SOX6: variants seen among roughly 807,000 people sequenced by gnomAD.
SOX6 encodes the protein transcription factor SOX-6.
SOX6 carries 11 observed loss-of-function variants against 97.8 expected under a neutral mutation model. The ratio of observed to expected loss-of-function variants is 0.11; its 90% CI spans 0.07 to 0.19. The LOEUF is 0.19. Ranked by LOEUF, SOX6 falls within the 10% of genes least tolerant of loss-of-function variation. The pLI, the probability that SOX6 is intolerant of heterozygous loss-of-function variation, is 1.00. For synonymous variants in SOX6, 360 were observed against 371.4 expected (o/e 0.97, Z 0.35); for missense variants, 810 against 1,039.5 (o/e 0.78, Z 3.04).
At chr11:16,050,653 G>A (rs1162143371) in intron 10 of SOX6, among the ~76,000 whole-genome samples, 1 of 152,138 alleles carries the variant, frequency 6.6e-6, no homozygotes, top group African/African-American at 2.4e-5. Context: ...TTTACAGAAT[G>A]TCTATTTTAA....
intron 4 of SOX6, among the ~76,000 whole-genome samples, chr11:16,500,308 T>A (rs1307826220): frequency 6.6e-6 from 1 of 152,108 alleles, no homozygotes; most frequent in Non-Finnish European, 1.5e-5. Flanking sequence ...ATGGGACATA[T>A]CTCAAAATAA....
chr11:16,467,393 A>T (rs1358860111), intron 1 of SOX6, among the ~76,000 whole-genome samples: 1 of 152,180 alleles, frequency 6.6e-6, no homozygotes, highest in Admixed American at 6.5e-5. Context: ...AACCTAAATG[A>T]CTATCAACGA....
intron 3 of SOX6, among the ~76,000 whole-genome samples, chr11:16,626,409 G>C (rs1325024030): frequency 2.0e-5 from 3 of 152,112 alleles, no homozygotes; most frequent in African/African-American, 4.8e-5. Context: ...TGTTCCAGTT[G>C]CCTGTCTACA....
At chr11:16,035,707 C>T (rs1855501079) in intron 12 of SOX6, among the ~76,000 whole-genome samples, 1 of 152,090 alleles carries the variant, frequency 6.6e-6, no homozygotes, top group Non-Finnish European at 1.5e-5. Context: ...CCAGGCATGT[C>T]TAGGAAATGT....
chr11:16,023,042 G>A (rs911559434), intron 12 of SOX6: 3 of 151,890 alleles, frequency 2.0e-5, no homozygotes, highest in Admixed American at 6.6e-5. Flanking sequence ...TAATTATGAT[G>A]TCTTCCCTTC....
chr11:16,266,920 C>A (rs1272067294), intron 3 of SOX6, among the ~76,000 whole-genome samples: 1 of 151,444 alleles, frequency 6.6e-6, no homozygotes, highest in African/African-American at 2.4e-5. Context: ...AAAGCTCACA[C>A]AGATAATCCC....
chr11:16,460,637 A>C (rs182550579), intron 1 of SOX6, among the ~76,000 whole-genome samples: 25 of 152,194 alleles, frequency 1.6e-4, no homozygotes, highest in Admixed American at 1.6e-3. Context: ...CCTGCATCTT[A>C]AGTATAATAT....
chr11:16,358,775 C>G (rs973713372), upstream of SOX6, among the ~76,000 whole-genome samples: 2 of 152,126 alleles, frequency 1.3e-5, no homozygotes, highest in African/African-American at 4.8e-5. Context: ...AATTCTTTAT[C>G]TGTAAAATGA....
chr11:16,482,653 T>C (rs1860362968), intron 4 of SOX6, among the ~76,000 whole-genome samples: 1 of 151,672 alleles, frequency 6.6e-6, no homozygotes, highest in African/African-American at 2.4e-5. Context: ...TGTTTGTTAG[T>C]TGTTCTTTCA....
chr11:16,031,470 G>T (rs1855371245), intron 12 of SOX6: 1 of 152,168 alleles, frequency 6.6e-6, no homozygotes, highest in Non-Finnish European at 1.5e-5. Context: ...TTCTTATGCG[G>T]CTTTAGAGGA....
chr11:16,567,731 T>TG (rs1324500298), intron 4 of SOX6, among the ~76,000 whole-genome samples: 2 of 70,172 alleles, frequency 2.9e-5, no homozygotes, highest in African/African-American at 1.4e-4. Context: ...CACGCCTGGC[T>TG]GATTTTTTTT....
Position 16,437,288 on chromosome 11 carries a change from A to G in SOX6, c.-5+39027T>C, listed in dbSNP as rs148374734. Among the ~76,000 whole-genome samples, 486 of 151,722 alleles carry G rather than the reference A, an allele frequency of 3.2e-3. 3 individuals carry two copies. The highest frequency in any genetic ancestry group is 0.011 in the African/African-American group (473 of 41,376). On this transcript the variant is annotated intron_variant, in intron 1 of 15. Transcript: ENST00000396356. Reference sequence around the variant, plus strand: ...TGTCTCTATTTTTTTTTTTTAAAAAAAAGGTAAGGGCCTTAGAAATTCTCT... The same window carrying G: ...TGTCTCTATTTTTTTTTTTTAAAAAGAAGGTAAGGGCCTTAGAAATTCTCT...
At chr11:15,999,831 A>C (rs1379576267) in intron 13 of SOX6, among the ~76,000 whole-genome samples, 2 of 152,254 alleles carry the variant, frequency 1.3e-5, no homozygotes, top group Non-Finnish European at 2.9e-5. Flanking sequence ...AGAATAGTTG[A>C]TTTTCTCCTG....
intron 6 of SOX6, among the ~76,000 whole-genome samples, chr11:16,183,063 G>A (rs1851384351): frequency 6.6e-6 from 1 of 151,904 alleles, no homozygotes; most frequent in South Asian, 2.1e-4. Context: ...ATAACTCTGT[G>A]ATCAGTGTTT....
intron 4 of SOX6, among the ~76,000 whole-genome samples, chr11:16,608,672 T>C (rs1848363675): frequency 6.6e-6 from 1 of 151,590 alleles, no homozygotes; most frequent in African/African-American, 2.4e-5. Context: ...CTGGAGGCCA[T>C]ATGGATTATA....
chr11:16,676,744 A>C (rs1040561793), intron 3 of SOX6, among the ~76,000 whole-genome samples: 1 of 152,208 alleles, frequency 6.6e-6, no homozygotes, highest in African/African-American at 2.4e-5. Context: ...ACAACAACAA[A>C]AACCTCCCAG....
At chr11:16,446,681 G>A (rs988252032) in intron 1 of SOX6, among the ~76,000 whole-genome samples, 3 of 152,004 alleles carry the variant, frequency 2.0e-5, no homozygotes, top group Non-Finnish European at 4.4e-5. Flanking sequence ...TATAGAAAAT[G>A]AAAGGAAAAT....
intron 2 of SOX6, among the ~76,000 whole-genome samples, chr11:16,734,832 C>T (rs1848379925): frequency 6.6e-6 from 1 of 152,164 alleles, no homozygotes; most frequent in African/African-American, 2.4e-5. Flanking sequence ...CTAGAACAGT[C>T]AACAAGACTA....
intron 3 of SOX6, among the ~76,000 whole-genome samples, chr11:16,288,832 C>A (rs1400765909): frequency 6.6e-6 from 1 of 151,918 alleles, no homozygotes; most frequent in East Asian, 1.9e-4. Flanking sequence ...CAGAGATCTA[C>A]AATCCTGATT....
Sources: gnomAD v4.1 joint callset for allele counts (sites outside exome capture counted in the v4.1 genomes callset) on GRCh38, gnomAD v4.1.1 for gene constraint, MANE v1.5 for transcripts, NCBI Gene and HGNC (gene_info 2026-07-23, HGNC 2026-07-21) for gene names.